PARD3B: variants seen among roughly 807,000 people sequenced by gnomAD.
PARD3B encodes the protein par-3 family cell polarity regulator beta.
Under a neutral mutation model 130.2 loss-of-function variants are expected in PARD3B, and 103 were observed. The ratio of observed to expected loss-of-function variants is 0.79; its 90% CI spans 0.67 to 0.93. The LOEUF is 0.93. Ranked by LOEUF, PARD3B falls within the 40% of genes least tolerant of loss-of-function variation. The pLI is 0.00. For synonymous variants in PARD3B, 583 were observed against 553.2 expected, an observed-to-expected ratio of 1.05 and a Z score of -0.76; for missense variants, 1,609 against 1,499.2, an observed-to-expected ratio of 1.07 and a Z score of -1.21.
chr2:205,045,788 TACATATATATACATATACATATATAA>T (rs1559384266), intron 3 of PARD3B, among the ~76,000 whole-genome samples: 3 of 150,724 alleles, frequency 2.0e-5, no homozygotes. Flanking sequence ...CACACACACA[TACATATATATACATATACATATATAA>T]ACATATATAT....
intron 3 of PARD3B, among the ~76,000 whole-genome samples, chr2:204,976,432 C>T (rs1025791790): frequency 5.9e-5 from 9 of 151,888 alleles, no homozygotes; most frequent in Admixed American, 5.3e-4. Context: ...ATTGGATAGT[C>T]GCAAGCAGTG....
intron 2 of PARD3B, among the ~76,000 whole-genome samples, chr2:204,814,383 G>T (rs1451374314): frequency 1.3e-5 from 2 of 151,382 alleles, no homozygotes; most frequent in Non-Finnish European, 3.0e-5. Context: ...AAATATAGAT[G>T]ATATATAACA....
chr2:205,243,285 G>T (rs968422492), intron 15 of PARD3B, among the ~76,000 whole-genome samples: 7 of 152,106 alleles, frequency 4.6e-5, no homozygotes, highest in Non-Finnish European at 8.8e-5. Flanking sequence ...TAATGATGAT[G>T]ACAGTAGTTC....
intron 22 of PARD3B, among the ~76,000 whole-genome samples, chr2:205,583,262 A>G (rs187580783): frequency 7.2e-4 from 109 of 152,326 alleles, no homozygotes; most frequent in Non-Finnish European, 1.2e-3. Context: ...AGCAGTTCAC[A>G]TTTGCTCTTT....
At chr2:205,137,925 T>A (rs1201193327) in intron 10 of PARD3B, among the ~76,000 whole-genome samples, 1 of 152,168 alleles carries the variant, frequency 6.6e-6, no homozygotes, top group African/African-American at 2.4e-5. Context: ...CAAAACAAGG[T>A]CAAGTCACAA....
At chr2:205,023,410 T>C (rs888169995) in intron 3 of PARD3B, among the ~76,000 whole-genome samples, 1 of 150,370 alleles carries the variant, frequency 6.7e-6, no homozygotes, top group African/African-American at 2.4e-5. Flanking sequence ...TTGCCTCTGG[T>C]AACTCTGGTC....
intron 1 of PARD3B, among the ~76,000 whole-genome samples, chr2:204,553,016 G>A (rs967029726): frequency 1.3e-5 from 2 of 152,016 alleles, no homozygotes; most frequent in East Asian, 3.9e-4. Context: ...ATCTGACAAA[G>A]GACTAATATC....
intron 2 of PARD3B, among the ~76,000 whole-genome samples, chr2:204,841,694 G>C (rs1427174774): frequency 1.3e-5 from 2 of 151,998 alleles, no homozygotes; most frequent in African/African-American, 4.8e-5. Context: ...CCCCATTTCT[G>C]GTGAAAATAA....
At chr2:204,645,486 A>G (rs191156612) in intron 1 of PARD3B, among the ~76,000 whole-genome samples, 1 of 152,152 alleles carries the variant, frequency 6.6e-6, no homozygotes, top group Non-Finnish European at 1.5e-5. Context: ...CTTAGGCAAC[A>G]ATCTGTACTT....
intron 2 of PARD3B, among the ~76,000 whole-genome samples, chr2:204,886,849 A>G (rs2046286043): frequency 6.6e-6 from 1 of 152,170 alleles, no homozygotes; most frequent in African/African-American, 2.4e-5. Flanking sequence ...CTTCTGAGGG[A>G]TTGTCAGACA....
chr2:204,828,477 G>A (rs951639401), intron 2 of PARD3B, among the ~76,000 whole-genome samples: 3 of 152,132 alleles, frequency 2.0e-5, no homozygotes, highest in South Asian at 4.1e-4. Context: ...TTCGCAGCTA[G>A]ACTTGAGAGC....
rs2052548350 is a variant in PARD3B at position 205,550,023 on chromosome 2, G to A, written c.3181-3301G>A. 6.6e-6 allele frequency among the ~76,000 whole-genome samples: 1 copy of A among 152,194 alleles called. No homozygotes were observed. The highest frequency in any genetic ancestry group is 2.1e-4 in the South Asian group (1 of 4,830). On this transcript the variant is annotated intron_variant, in intron 21 of 22. Coordinates refer to ENST00000406610, the MANE Select transcript of PARD3B (RefSeq NM_001302769.2). This position sits in a 1 kb window ranked among gnomAD's most constrained non-coding sequence, Gnocchi z 4.5. ...AGGAGCAACAGTAGTATAGTTGCTA[G>A]TTAGTAGTATTCTTTTCTTCATACC...
intron 20 of PARD3B, among the ~76,000 whole-genome samples, chr2:205,484,055 G>T (rs892604975): frequency 6.6e-6 from 1 of 152,080 alleles, no homozygotes; most frequent in Non-Finnish European, 1.5e-5. Context: ...TGCTACAAAT[G>T]GGGGGAAAAA....
rs1441280751 is a variant in PARD3B, at chr2:205,470,408, A to C, written c.3045-29488A>C. On this transcript the variant is annotated intron_variant, in intron 20 of 22. Transcript: ENST00000406610. The surrounding 1 kb of genome is among the most constrained non-coding windows in gnomAD (Gnocchi z 4.8). Reference sequence around the variant, plus strand: ...CTCTTCACCAATTTCTTTGTTAACCACAGTGCCCATGTATCCACTGTCAGA... The same window carrying C: ...CTCTTCACCAATTTCTTTGTTAACCCCAGTGCCCATGTATCCACTGTCAGA... 6.6e-6 allele frequency among the ~76,000 whole-genome samples: 1 copy of C among 152,088 alleles called. No homozygotes were observed. Among genetic ancestry groups the C allele is most frequent in the African/African-American group, 2.4e-5 (1 of 41,404 alleles).
intron 2 of PARD3B, among the ~76,000 whole-genome samples, chr2:204,833,960 C>T (rs1196029305): frequency 2.6e-5 from 4 of 152,156 alleles, no homozygotes; most frequent in South Asian, 4.2e-4. Flanking sequence ...ATGCCACAAT[C>T]GCAGAAGCCT....
rs938165502 is a variant in PARD3B, at chr2:205,525,608, G to A, written c.3180+25577G>A. ...GCTCCTAGACTGAGGTCTATTGTGCGGATGCTAATCTAATAACAGAATCAT... is the reference window on the plus strand; with the variant it reads ...GCTCCTAGACTGAGGTCTATTGTGCAGATGCTAATCTAATAACAGAATCAT... On this transcript the variant is annotated intron_variant, in intron 21 of 22. Transcript: ENST00000406610. The surrounding 1 kb of genome is among the most constrained non-coding windows in gnomAD (Gnocchi z 4.2). Among the ~76,000 whole-genome samples, 3 of 152,136 alleles carry A rather than the reference G, an allele frequency of 2.0e-5. No individual in the cohort carries two copies. Among genetic ancestry groups the A allele is most frequent in the Admixed American group, 6.6e-5 (1 of 15,260 alleles).
chr2:204,663,760 C>CTG, intron 1 of PARD3B, among the ~76,000 whole-genome samples: 1 of 152,150 alleles, frequency 6.6e-6, no homozygotes, highest in Non-Finnish European at 1.5e-5. Context: ...AGCTACCATA[C>CTG]TGTGTGGACA....
chr2:205,056,705 C>T (rs1331023682), intron 4 of PARD3B, among the ~76,000 whole-genome samples: 3 of 151,932 alleles, frequency 2.0e-5, no homozygotes, highest in African/African-American at 2.4e-5. Flanking sequence ...GAACTCTCTA[C>T]GTTTTAAGCA....
Position 205,616,888 on chromosome 2 carries a change from TGAGA to T in PARD3B, c.*1093_*1096del, listed in dbSNP as rs10572381. The stretch of plus-strand genomic sequence containing the variant: ...CCAGCAGGTATTAGATGGAAGTGAA[TGAGA>T]GAGAGAGAGAGAGAGAGTATGTGTG... On this transcript the variant is annotated 3_prime_UTR_variant, in exon 23 of 23. Transcript: ENST00000406610. 44 of 151,340 alleles carry T rather than the reference TGAGA, an allele frequency of 2.9e-4. No homozygotes were observed. Among genetic ancestry groups the T allele is most frequent in the Non-Finnish European group, 3.1e-4 (21 of 67,350 alleles). The allele number at this position is 151,340 out of a possible 1,614,324, so 9.4% of individuals were successfully genotyped here.
Sources: allele counts gnomAD v4.1 joint callset (sites outside exome capture counted in the v4.1 genomes callset), GRCh38; gene constraint gnomAD v4.1.1; non-coding constraint Gnocchi (gnomAD v3.1); transcripts MANE v1.5; gene names NCBI Gene and HGNC (gene_info 2026-07-23, HGNC 2026-07-21).